GALNT18: variants seen among roughly 807,000 people sequenced by gnomAD.
GALNT18 encodes GalNAc-transferase 18.
A neutral mutation model predicts 69.5 loss-of-function variants in GALNT18; 44 were observed. The ratio of observed to expected loss-of-function variants is 0.63; its 90% CI spans 0.50 to 0.81. The LOEUF is 0.81. Ranked by LOEUF, GALNT18 falls within the 40% of genes least tolerant of loss-of-function variation. The pLI is 0.00. For missense variants in GALNT18, 715 were observed against 810.0 expected (o/e 0.88, Z 1.42); for synonymous variants, 364 against 318.2 (o/e 1.14, Z -1.53).
intron 2 of GALNT18, among the ~76,000 whole-genome samples, chr11:11,440,973 G>A (rs1855521199): frequency 1.3e-5 from 2 of 152,166 alleles, no homozygotes; most frequent in South Asian, 4.1e-4. Context: ...GGGGAACCAG[G>A]TTTTAACTAC....
chr11:11,581,668 G>T (rs188399921), intron 1 of GALNT18, among the ~76,000 whole-genome samples: 2 of 151,992 alleles, frequency 1.3e-5, no homozygotes, highest in Non-Finnish European at 2.9e-5. Context: ...ACTTTATCCC[G>T]CCTGGCTCCT....
rs768225679 is a variant in GALNT18, at chr11:11,372,574, C to T, written c.1033G>A (p.Gly345Ser). 5 of 1,614,218 alleles carry T rather than the reference C, an allele frequency of 3.1e-6. No homozygotes were observed. Among genetic ancestry groups the T allele is most frequent in the Non-Finnish European group, 4.2e-6 (5 of 1,180,042 alleles). The change falls in exon 6 of 11, where the codon GGC becomes AGC. Residue 345 changes from glycine (G) to serine (S), a missense_variant. Gly to Ser is a moderately conservative substitution (Grantham distance 56). Coordinates refer to ENST00000227756, the MANE Select transcript of GALNT18 (RefSeq NM_198516.3). The surrounding 1 kb of genome is among the most constrained non-coding windows in gnomAD (Gnocchi z 4.9). Reference sequence around the variant, plus strand: ...ACTTCCATGCCTTCGTCCAGCAGGCCGATCTCCTGGAAGTACTGCCGGTCC... The same window carrying T: ...ACTTCCATGCCTTCGTCCAGCAGGCTGATCTCCTGGAAGTACTGCCGGTCC... ...IVDRQYFQEIGLLDEGMEVYG... is the reference protein window; with the variant it reads ...IVDRQYFQEISLLDEGMEVYG...
chr11:11,307,749 C>A (rs1000755492), intron 9 of GALNT18, among the ~76,000 whole-genome samples: 1 of 20,516 alleles, frequency 4.9e-5, no homozygotes, highest in Non-Finnish European at 1.1e-4. Context: ...CATCCTTGAC[C>A]CCCCCAAGGT....
chr11:11,295,816 A>G (rs997507626), intron 9 of GALNT18, among the ~76,000 whole-genome samples: 6 of 152,246 alleles, frequency 3.9e-5, no homozygotes, highest in African/African-American at 7.2e-5. Flanking sequence ...CACTGTGACC[A>G]AAGTTCTGAG....
intron 3 of GALNT18, among the ~76,000 whole-genome samples, chr11:11,397,945 C>T (rs1440811509): frequency 1.3e-5 from 2 of 152,186 alleles, no homozygotes; most frequent in Non-Finnish European, 2.9e-5. Flanking sequence ...CCTCAGCTTC[C>T]ATTCAGCCGC....
Position 11,604,834 on chromosome 11 carries a change from G to T in GALNT18, c.235+16525C>A, listed in dbSNP as rs1012257171. On this transcript the variant is annotated intron_variant, in intron 1 of 10. Transcript: ENST00000227756. This position sits in a 1 kb window ranked among gnomAD's most constrained non-coding sequence, Gnocchi z 5.6. Reference sequence around the variant, plus strand: ...TCCCGGCCCATAGCTTCATTCCACTGGTCCCCCACACCCCAAAGGCTACAC... The same window carrying T: ...TCCCGGCCCATAGCTTCATTCCACTTGTCCCCCACACCCCAAAGGCTACAC... Among the ~76,000 whole-genome samples, 1 of 152,004 alleles carries T rather than the reference G, an allele frequency of 6.6e-6. No homozygotes were observed. Among genetic ancestry groups the T allele is most frequent in the Non-Finnish European group, 1.5e-5 (1 of 68,014 alleles).
chr11:11,393,267 A>G (rs1296478250), intron 3 of GALNT18, among the ~76,000 whole-genome samples: 1 of 152,170 alleles, frequency 6.6e-6, no homozygotes, highest in East Asian at 1.9e-4. Context: ...GGAGACTCTT[A>G]AATTCAGACT....
At chr11:11,325,033 A>C (rs1849895230) in intron 9 of GALNT18, among the ~76,000 whole-genome samples, 1 of 152,264 alleles carries the variant, frequency 6.6e-6, no homozygotes, top group Non-Finnish European at 1.5e-5. Context: ...AGAAGTCATT[A>C]TATGAAAAAG....
At chr11:11,429,774 A>C (rs572770352) in intron 3 of GALNT18, among the ~76,000 whole-genome samples, 3 of 152,302 alleles carry the variant, frequency 2.0e-5, no homozygotes, top group African/African-American at 7.2e-5. Flanking sequence ...TGGACACCAA[A>C]TATGTTCAAA....
In GALNT18 at chr11:11,341,041, T is replaced by A; in HGVS notation, c.1093-37A>T. The A allele has an allele frequency of 6.5e-7, 1 of 1,549,586 alleles. No individual in the cohort carries two copies. The highest frequency in any genetic ancestry group is 8.7e-7 in the Non-Finnish European group (1 of 1,143,566). ...ATGGAGCCACTTGTCAGAGCCTGCC[T>A]GGCTCTGCCTTTCTACACCAGGCCT... On this transcript the variant is annotated intron_variant, in intron 6 of 10. Transcript: ENST00000227756. The surrounding 1 kb of genome is among the most constrained non-coding windows in gnomAD (Gnocchi z 6.3).
intron 1 of GALNT18, among the ~76,000 whole-genome samples, chr11:11,565,828 T>G (rs952587013): frequency 2.6e-5 from 4 of 152,210 alleles, no homozygotes; most frequent in Non-Finnish European, 5.9e-5. Context: ...TAAAGGGGTC[T>G]TGAGAACAGG....
intron 3 of GALNT18, among the ~76,000 whole-genome samples, chr11:11,392,189 C>T (rs1340933423): frequency 6.6e-6 from 1 of 152,162 alleles, no homozygotes; most frequent in Non-Finnish European, 1.5e-5. Flanking sequence ...TCCAGAGAGC[C>T]GGAGCCTGGC....
At chr11:11,504,032 T>A (rs577613119) in intron 1 of GALNT18, among the ~76,000 whole-genome samples, 30 of 152,368 alleles carry the variant, frequency 2.0e-4, no homozygotes, top group African/African-American at 7.2e-4. Flanking sequence ...TGGGTTCTTC[T>A]CTCTCTTGGC....
chr11:11,326,831 T>G (rs1849928987), intron 9 of GALNT18, among the ~76,000 whole-genome samples: 1 of 152,160 alleles, frequency 6.6e-6, no homozygotes, highest in Non-Finnish European at 1.5e-5. Flanking sequence ...GTGTAACCCC[T>G]TTCCTCCTCA....
At position 11,591,226 on chromosome 11, in the gene GALNT18, A is replaced by C. The variant is rs1859354255; in HGVS notation, c.235+30133T>G. Among the ~76,000 whole-genome samples, 1 of 151,554 alleles carries C rather than the reference A, an allele frequency of 6.6e-6. No individual in the cohort carries two copies. Among genetic ancestry groups the C allele is most frequent in the Admixed American group, 6.6e-5 (1 of 15,204 alleles). On this transcript the variant is annotated intron_variant, in intron 1 of 10. Coordinates refer to ENST00000227756, the MANE Select transcript of GALNT18 (RefSeq NM_198516.3). The surrounding 1 kb of genome is among the most constrained non-coding windows in gnomAD (Gnocchi z 4.8). ...TTTAAGGCCTTTTTAAGGCTTTGTA[A>C]GGCTTAAAAGCTAAGACACACATAC...
At chr11:11,524,352 C>T (rs1857470567) in intron 1 of GALNT18, among the ~76,000 whole-genome samples, 2 of 152,194 alleles carry the variant, frequency 1.3e-5, no homozygotes, top group African/African-American at 4.8e-5. Context: ...ATCTGCCCTC[C>T]TTCTCTGTGA....
rs1856882031 is a variant in GALNT18, at chr11:11,497,226, T to TGCCAGTCCCTC, written c.236-48291_236-48290insGAGGGACTGGC. On this transcript the variant is annotated intron_variant, in intron 1 of 10. Transcript: ENST00000227756. This position sits in a 1 kb window ranked among gnomAD's most constrained non-coding sequence, Gnocchi z 4.2. ...AACATCAGCACCCTCAACTGACCCT[T>TGCCAGTCCCTC]GTCAGTCCCTCTACCAAAGCCTTGT... Among the ~76,000 whole-genome samples the TGCCAGTCCCTC allele has an allele frequency of 6.6e-6, 1 of 151,830 alleles. No individual in the cohort carries two copies.
rs75909475 is a variant in GALNT18 at position 11,304,979 on chromosome 11, G to A, written c.1513-11786C>T. Among the ~76,000 whole-genome samples, 48 of 152,256 alleles carry A rather than the reference G, an allele frequency of 3.2e-4. No homozygotes were observed. In the East Asian group the frequency reaches 3.9e-3, roughly 12 times the overall value. ...CTTGTTGTAAGCCACTGAGATGTGC[G>A]GACATCAGCCTAAGATGACTGATAA... On this transcript the variant is annotated intron_variant, in intron 9 of 10. Transcript: ENST00000227756.
At chr11:11,456,360 T>A (rs2133831166) in intron 1 of GALNT18, among the ~76,000 whole-genome samples, 1 of 152,340 alleles carries the variant, frequency 6.6e-6, no homozygotes, top group Non-Finnish European at 1.5e-5. Flanking sequence ...GTTGTCTGAC[T>A]TGAGGACTGG....
Sources: allele counts gnomAD v4.1 joint callset (sites outside exome capture counted in the v4.1 genomes callset), GRCh38; gene constraint gnomAD v4.1.1; non-coding constraint Gnocchi (gnomAD v3.1); transcripts MANE v1.5; gene names NCBI Gene and HGNC (gene_info 2026-07-23, HGNC 2026-07-21).